FAM174A: variants seen among roughly 807,000 people sequenced by gnomAD.
FAM174A encodes membrane protein FAM174A.
Under a neutral mutation model 14.3 loss-of-function variants are expected in FAM174A, and 14 were observed. The observed-to-expected ratio is 0.98, with a 90% CI of 0.65 to 1.53. The LOEUF (loss-of-function observed/expected upper bound fraction) is 1.53. FAM174A is among the 40% of genes most tolerant of loss of function. FAM174A has a pLI of 0.00. For synonymous variants in FAM174A, 108 were observed against 111.4 expected, an observed-to-expected ratio of 0.97 and a Z score of 0.19; for missense variants, 241 against 249.6, an observed-to-expected ratio of 0.97 and a Z score of 0.23.
At chr5:100,544,288 G>A (rs1746122097) in intron 1 of FAM174A, among the ~76,000 whole-genome samples, 1 of 152,124 alleles carries the variant, frequency 6.6e-6, no homozygotes, top group South Asian at 2.1e-4. Context: ...AGTCCAGGAA[G>A]TCAAGGTCGT....
chr5:100,535,757 C>T lies in FAM174A; in HGVS notation c.227C>T (p.Pro76Leu). 1.2e-6 allele frequency: 2 copies of T among 1,604,054 alleles called. No individual in the cohort carries two copies. The highest frequency in any genetic ancestry group is 1.7e-6 in the Non-Finnish European group (2 of 1,177,616). Reference sequence around the variant, plus strand: ...CGTGGTCTGGCTGAAGCTGCGGGGCCGCGGGGCTCCGAGGGAGGCAATGGC... The same window carrying T: ...CGTGGTCTGGCTGAAGCTGCGGGGCTGCGGGGCTCCGAGGGAGGCAATGGC... ...PGRGLAEAAGPRGSEGGNGSN... is the reference protein window; with the variant it reads ...PGRGLAEAAGLRGSEGGNGSN... The change falls in exon 1 of 3, where the codon CCG (proline) becomes CTG (leucine). Residue 76 changes from proline (P) to leucine (L), a missense_variant. Transcript: ENST00000312637.
At chr5:100,544,021 ATAG>A (rs1746117651) in intron 1 of FAM174A, among the ~76,000 whole-genome samples, 1 of 152,236 alleles carries the variant, frequency 6.6e-6, no homozygotes, top group African/African-American at 2.4e-5. Flanking sequence ...TATTTAGAAA[ATAG>A]TAGATTTTCA....
At chr5:100,575,639 C>T (rs944271345) in intron 2 of FAM174A, among the ~76,000 whole-genome samples, 2 of 151,994 alleles carry the variant, frequency 1.3e-5, no homozygotes, top group East Asian at 1.9e-4. Context: ...GACTTCATGT[C>T]GAAAACACCA....
intron 1 of FAM174A, among the ~76,000 whole-genome samples, chr5:100,540,382 A>G (rs1746025305): frequency 6.6e-6 from 1 of 152,158 alleles, no homozygotes; most frequent in Non-Finnish European, 1.5e-5. Flanking sequence ...TGCACAAGGA[A>G]AGTCCCTGCA....
chr5:100,562,331 T>C lies in FAM174A; in HGVS notation c.569+143T>C. On this transcript the variant is annotated intron_variant, in intron 2 of 2. Transcript: ENST00000312637. Reference sequence around the variant, plus strand: ...CTGTTTACTGAAGTTCTTTTTGCTATCTACCCCATAGCTCACATTCACGTT... The same window carrying C: ...CTGTTTACTGAAGTTCTTTTTGCTACCTACCCCATAGCTCACATTCACGTT... 4.6e-6 allele frequency: 3 copies of C among 655,286 alleles called. No homozygotes were observed. The South Asian group carries it at 7.6e-5, about 17-fold the overall frequency. 40.6% of individuals were successfully genotyped at this position (655,286 alleles called of 1,614,324 possible).
intron 2 of FAM174A, among the ~76,000 whole-genome samples, chr5:100,575,593 C>G (rs1746886430): frequency 6.6e-6 from 1 of 152,074 alleles, no homozygotes; most frequent in South Asian, 2.1e-4. Flanking sequence ...AGAAGAAAAC[C>G]TAGGCAATAC....
chr5:100,575,461 C>A (rs1312205535), intron 2 of FAM174A, among the ~76,000 whole-genome samples: 1 of 152,070 alleles, frequency 6.6e-6, no homozygotes, highest in Non-Finnish European at 1.5e-5. Flanking sequence ...TCCAAGTGTT[C>A]TCATTGTTCA....
chr5:100,539,782 TG>T (rs1746014259), intron 1 of FAM174A, among the ~76,000 whole-genome samples: 1 of 152,232 alleles, frequency 6.6e-6, no homozygotes, highest in Non-Finnish European at 1.5e-5. Context: ...AAAGCGATAT[TG>T]CACATAAAGA....
chr5:100,558,567 G>A (rs1480082350), intron 1 of FAM174A, among the ~76,000 whole-genome samples: 1 of 152,026 alleles, frequency 6.6e-6, no homozygotes, highest in African/African-American at 2.4e-5. Context: ...TATTGTGTGG[G>A]AGTCTAGGTC....
rs555411099 is a variant in FAM174A, at chr5:100,561,990, A to G, written c.435-64A>G. On this transcript the variant is annotated intron_variant, in intron 1 of 2. Coordinates refer to ENST00000312637, the MANE Select transcript of FAM174A (RefSeq NM_198507.3). ...CAGAAACAGAATAATAATTTATTTT[A>G]TAAATAAATATAAACTATGCCATAT... 161 of 877,846 alleles carry G rather than the reference A, an allele frequency of 1.8e-4. No homozygotes were observed. The African/African-American group carries it at 2.6e-3, about 14-fold the overall frequency. The allele number at this position is 877,846 out of a possible 1,614,324, so 54.4% of individuals were successfully genotyped here. A position where few individuals can be genotyped will look rare whatever the true frequency, so the allele number is the denominator to read the frequency against.
At chr5:100,578,508 G>C (rs1746945816) in intron 2 of FAM174A, among the ~76,000 whole-genome samples, 1 of 152,072 alleles carries the variant, frequency 6.6e-6, no homozygotes, top group African/African-American at 2.4e-5. Flanking sequence ...AAAAACTTAA[G>C]AACATCCAGC....
At chr5:100,543,399 T>C (rs905113135) in intron 1 of FAM174A, among the ~76,000 whole-genome samples, 1 of 152,218 alleles carries the variant, frequency 6.6e-6, no homozygotes, top group African/African-American at 2.4e-5. Context: ...ATTACAGGTG[T>C]GAGCCACTTC....
In FAM174A at chr5:100,552,673, A is replaced by G. The variant is rs570060973; in HGVS notation, c.435-9381A>G. 2.0e-5 allele frequency among the ~76,000 whole-genome samples: 3 copies of G among 152,172 alleles called. 1 individual carries two copies. The highest frequency in any genetic ancestry group is 7.2e-5 in the African/African-American group (3 of 41,566). On this transcript the variant is annotated intron_variant, in intron 1 of 2. Coordinates refer to ENST00000312637, the MANE Select transcript of FAM174A (RefSeq NM_198507.3). ...ATATATTTCTACATAAAATTTTATCAAGCTTACTTTAGTGGTTTAGTTTTA... is the reference window on the plus strand; with the variant it reads ...ATATATTTCTACATAAAATTTTATCGAGCTTACTTTAGTGGTTTAGTTTTA...
intron 1 of FAM174A, among the ~76,000 whole-genome samples, chr5:100,554,975 C>T (rs551082877): frequency 6.6e-6 from 1 of 151,882 alleles, no homozygotes; most frequent in Non-Finnish European, 1.5e-5. Context: ...ATGTGCACAA[C>T]ATGCAGGTTT....
intron 1 of FAM174A, among the ~76,000 whole-genome samples, chr5:100,549,520 A>G (rs1746222892): frequency 6.6e-6 from 1 of 152,146 alleles, no homozygotes; most frequent in Non-Finnish European, 1.5e-5. Flanking sequence ...GATTGTATGT[A>G]CTGAATTACA....
Position 100,586,171 on chromosome 5 carries a change from T to C in FAM174A, c.570-10T>C, listed in dbSNP as rs1261263067. The C allele has an allele frequency of 7.3e-7, 1 of 1,375,760 alleles. No individual in the cohort carries two copies. The highest frequency in any genetic ancestry group is 1.3e-5 in the South Asian group (1 of 76,680). 85.2% of individuals were successfully genotyped at this position (1,375,760 alleles called of 1,614,324 possible). Reference sequence around the variant, plus strand: ...AGGATATTTATGGTATTTTTTTCTTTTTCTTGCAGATAAGAATGTGCCTTT... The same window carrying C: ...AGGATATTTATGGTATTTTTTTCTTCTTCTTGCAGATAAGAATGTGCCTTT... On this transcript the variant is annotated splice_polypyrimidine_tract_variant and intron_variant, in intron 2 of 2. Coordinates refer to ENST00000312637, the MANE Select transcript of FAM174A (RefSeq NM_198507.3).
At chr5:100,566,141 G>GATTATATAT (rs1554047541) in intron 2 of FAM174A, among the ~76,000 whole-genome samples, 1 of 81,802 alleles carries the variant, frequency 1.2e-5, no homozygotes, top group African/African-American at 4.1e-5. Context: ...TGAAAAGTAT[G>GATTATATAT]ATATATATAT....
At chr5:100,582,010 A>C (rs987834878) in intron 2 of FAM174A, among the ~76,000 whole-genome samples, 2 of 152,152 alleles carry the variant, frequency 1.3e-5, no homozygotes, top group South Asian at 4.1e-4. Flanking sequence ...AATCTTTTAG[A>C]TATTCCTCAG....
At chr5:100,544,126 C>T (rs1347828936) in intron 1 of FAM174A, among the ~76,000 whole-genome samples, 2 of 152,152 alleles carry the variant, frequency 1.3e-5, no homozygotes, top group African/African-American at 4.8e-5. Context: ...TTTTGGGATT[C>T]TGAGGCAGGC....
Sources: gnomAD v4.1 joint callset for allele counts (sites outside exome capture counted in the v4.1 genomes callset) on GRCh38, gnomAD v4.1.1 for gene constraint, MANE v1.5 for transcripts, NCBI Gene and HGNC (gene_info 2026-07-23, HGNC 2026-07-21) for gene names.